The following PEX5L variants were observed in gnomAD, a reference collection of about 807,000 sequenced individuals.
PEX5L encodes PEX5-related protein.
A neutral mutation model predicts 84.0 loss-of-function variants in PEX5L; 30 were observed. The ratio of observed to expected loss-of-function variants is 0.36; its 90% CI spans 0.27 to 0.48. The LOEUF is 0.48. Ranked by LOEUF, PEX5L falls within the 20% of genes least tolerant of loss-of-function variation. The pLI is 0.99. For synonymous variants in PEX5L, 270 were observed against 283.1 expected, an observed-to-expected ratio of 0.95 and a Z score of 0.46; for missense variants, 533 against 754.6, an observed-to-expected ratio of 0.71 and a Z score of 3.44.
intron 7 of PEX5L, among the ~76,000 whole-genome samples, chr3:179,862,667 A>C (rs1456990040): frequency 6.6e-6 from 1 of 152,374 alleles, no homozygotes; most frequent in African/African-American, 2.4e-5. Context: ...GGTAAGAAAT[A>C]AACTTTCTGA....
chr3:179,904,841 T>C (rs1762600107), intron 2 of PEX5L, among the ~76,000 whole-genome samples: 2 of 152,078 alleles, frequency 1.3e-5, no homozygotes, highest in Non-Finnish European at 2.9e-5. Flanking sequence ...ACAGTCAGTG[T>C]GCTTTCCCTA....
chr3:179,975,083 G>A (rs1264677839), intron 1 of PEX5L, among the ~76,000 whole-genome samples: 4 of 152,166 alleles, frequency 2.6e-5, no homozygotes, highest in Non-Finnish European at 5.9e-5. Context: ...TAGCTACTCA[G>A]GAGGCTGAGG....
At chr3:179,856,730 G>A (rs910797261) in intron 8 of PEX5L, among the ~76,000 whole-genome samples, 2 of 152,162 alleles carry the variant, frequency 1.3e-5, no homozygotes, top group Non-Finnish European at 1.5e-5. Context: ...ACACCTTCTG[G>A]TGGGCACCAT....
intron 2 of PEX5L, among the ~76,000 whole-genome samples, chr3:179,940,349 GAA>G (rs1338266009): frequency 6.6e-6 from 1 of 152,034 alleles, no homozygotes; most frequent in Non-Finnish European, 1.5e-5. Flanking sequence ...GAGAGAGAGA[GAA>G]GAGTGAAATT....
At chr3:179,914,614 G>A (rs1270157964) in intron 2 of PEX5L, among the ~76,000 whole-genome samples, 1 of 152,228 alleles carries the variant, frequency 6.6e-6, no homozygotes, top group African/African-American at 2.4e-5. Context: ...ATTGATAGGT[G>A]ATATATCTGC....
chr3:179,886,712 CTCT>C (rs1474866199), intron 4 of PEX5L, among the ~76,000 whole-genome samples: 5 of 152,282 alleles, frequency 3.3e-5, no homozygotes, highest in East Asian at 1.9e-4. Context: ...ATGCTAGTTA[CTCT>C]TCTTGTAATT....
intron 2 of PEX5L, among the ~76,000 whole-genome samples, chr3:179,955,844 T>C (rs548265336): frequency 7.4e-4 from 112 of 152,264 alleles, no homozygotes; most frequent in Non-Finnish European, 1.2e-3. Context: ...TGATGAGTTA[T>C]AAATTCATAA....
intron 8 of PEX5L, among the ~76,000 whole-genome samples, chr3:179,839,583 C>T (rs1405175993): frequency 6.6e-6 from 1 of 152,104 alleles, no homozygotes; most frequent in African/African-American, 2.4e-5. Flanking sequence ...TTCTTTGGGT[C>T]CATTCACAGA....
intron 2 of PEX5L, among the ~76,000 whole-genome samples, chr3:179,922,658 T>G (rs1219987841): frequency 2.0e-5 from 3 of 151,902 alleles, no homozygotes; most frequent in African/African-American, 7.2e-5. Context: ...CTCACCATGT[T>G]GACCAGGCTG....
At chr3:179,835,021 A>C (rs1223284428) in intron 8 of PEX5L, among the ~76,000 whole-genome samples, 1 of 152,210 alleles carries the variant, frequency 6.6e-6, no homozygotes, top group Non-Finnish European at 1.5e-5. Flanking sequence ...TGGCCTGTGA[A>C]GATGGAGGCA....
At chr3:179,971,087 A>G (rs1228283110) in intron 2 of PEX5L, among the ~76,000 whole-genome samples, 1 of 152,164 alleles carries the variant, frequency 6.6e-6, no homozygotes, top group African/African-American at 2.4e-5. Flanking sequence ...ATTTTATTAA[A>G]TAGCCTCTTC....
intron 8 of PEX5L, among the ~76,000 whole-genome samples, chr3:179,840,161 T>TTGTGTG (rs1235556692): frequency 8.9e-5 from 11 of 123,770 alleles, no homozygotes; most frequent in African/African-American, 3.0e-4. Flanking sequence ...AAGTTGTTTT[T>TTGTGTG]TGTGTGTGTG....
At chr3:179,810,258 C>T (rs1723277447) in intron 11 of PEX5L, among the ~76,000 whole-genome samples, 1 of 152,018 alleles carries the variant, frequency 6.6e-6, no homozygotes, top group African/African-American at 2.4e-5. Context: ...CCGCCTGTCT[C>T]AGCCTCCCAA....
At chr3:179,890,818 G>T (rs1757377325) in intron 3 of PEX5L, among the ~76,000 whole-genome samples, 1 of 152,108 alleles carries the variant, frequency 6.6e-6, no homozygotes, top group South Asian at 2.1e-4. Context: ...AGTTTTAGCT[G>T]CAAATGCATA....
intron 8 of PEX5L, among the ~76,000 whole-genome samples, chr3:179,829,843 C>A (rs183828046): frequency 7.4e-6 from 1 of 135,258 alleles, no homozygotes; most frequent in South Asian, 2.4e-4. Context: ...GTGGCGTGAT[C>A]TTGGCTCACT....
intron 1 of PEX5L, among the ~76,000 whole-genome samples, chr3:180,016,240 A>C (rs1789936005): frequency 6.6e-6 from 1 of 152,224 alleles, no homozygotes; most frequent in Non-Finnish European, 1.5e-5. Context: ...ACTTTGATCA[A>C]TGATTATATC....
Position 179,800,878 on chromosome 3 carries a change from T to A in PEX5L, c.*950A>T, listed in dbSNP as rs1218744314. ...CTTAAGCAAGTTAATTTGAACTCAA[T>A]AGAAATCACGATACCATCAAACTTT... On this transcript the variant is annotated 3_prime_UTR_variant, in exon 15 of 15. Coordinates refer to ENST00000467460, the MANE Select transcript of PEX5L (RefSeq NM_016559.3). The A allele has an allele frequency of 1.3e-5, 2 of 152,236 alleles. No homozygotes were observed. Among genetic ancestry groups the A allele is most frequent in the Non-Finnish European group, 2.9e-5 (2 of 68,022 alleles). The allele number at this position is 152,236 out of a possible 1,614,324, so 9.4% of individuals were successfully genotyped here.
chr3:179,873,912 G>C (rs1278936143), intron 7 of PEX5L, among the ~76,000 whole-genome samples: 1 of 152,064 alleles, frequency 6.6e-6, no homozygotes, highest in Non-Finnish European at 1.5e-5. Flanking sequence ...GTGACAGTCA[G>C]GGTACCAATG....
chr3:179,970,442 A>G lies in PEX5L; in HGVS notation c.93+1152T>C, dbSNP rs13317423. 8.8e-3 allele frequency among the ~76,000 whole-genome samples: 1,336 copies of G among 152,240 alleles called. 18 individuals are homozygous for G. The highest frequency in any genetic ancestry group is 0.031 in the African/African-American group (1,275 of 41,554). On this transcript the variant is annotated intron_variant, in intron 2 of 14. Coordinates refer to ENST00000467460, the MANE Select transcript of PEX5L (RefSeq NM_016559.3). ...CTAAACTGATAACTTGGCACTCCACACATCCCCTACCCTGTTTTACCCAGG... is the reference window on the plus strand; with the variant it reads ...CTAAACTGATAACTTGGCACTCCACGCATCCCCTACCCTGTTTTACCCAGG...
Sources: allele counts gnomAD v4.1 joint callset (sites outside exome capture counted in the v4.1 genomes callset), GRCh38; gene constraint gnomAD v4.1.1; transcripts MANE v1.5; gene names NCBI Gene and HGNC (gene_info 2026-07-23, HGNC 2026-07-21).